Variants in MTUS1 observed in about 807,000 individuals in gnomAD.
MTUS1 encodes the protein microtubule associated scaffold protein 1.
Under a neutral mutation model 120.8 loss-of-function variants are expected in MTUS1, and 109 were observed. The observed-to-expected ratio is 0.90, with a 90% CI of 0.77 to 1.06. MTUS1 has a LOEUF of 1.06. Ranked by LOEUF, MTUS1 falls within the 50% of genes least tolerant of loss-of-function variation. MTUS1 has a pLI of 0.00. For synonymous variants in MTUS1, 737 were observed against 550.5 expected, an observed-to-expected ratio of 1.34 and a Z score of -4.74; for missense variants, 2,210 against 1,486.3, an observed-to-expected ratio of 1.49 and a Z score of -8.01.
intron 4 of MTUS1, among the ~76,000 whole-genome samples, chr8:17,721,367 T>G (rs2045829545): frequency 1.3e-5 from 2 of 152,226 alleles, no homozygotes; most frequent in South Asian, 4.1e-4. Flanking sequence ...TAGAAAAGTA[T>G]TTTTCTACAC....
chr8:17,694,508 A>C (rs910553223), intron 6 of MTUS1, among the ~76,000 whole-genome samples: 1 of 152,108 alleles, frequency 6.6e-6, no homozygotes, highest in Non-Finnish European at 1.5e-5. Context: ...TCTATTAAAA[A>C]TACAAAGAAA....
intron 13 of MTUS1, 73 bp from the exon 14 acceptor site, chr8:17,647,152 C>G (rs184419496): frequency 6.2e-6 from 7 of 1,122,638 alleles, no homozygotes; most frequent in Admixed American, 2.0e-5. Flanking sequence ...AGGCACCTCA[C>G]GACACAAGCA....
intron 1 of MTUS1, among the ~76,000 whole-genome samples, chr8:17,768,524 T>C (rs1276582109): frequency 1.8e-5 from 1 of 55,648 alleles, no homozygotes; most frequent in Non-Finnish European, 3.7e-5. Flanking sequence ...ACTCTGTTTA[T>C]GCCATGGTAA....
In MTUS1 at chr8:17,653,221, C is replaced by T. The variant is rs575282380; in HGVS notation, c.3349G>A (p.Glu1117Lys). 4 of 1,554,456 alleles carry T rather than the reference C, an allele frequency of 2.6e-6. No individual in the cohort carries two copies. Among genetic ancestry groups the T allele is most frequent in the Non-Finnish European group, 3.5e-6 (4 of 1,154,214 alleles). Residue 1117 changes from glutamate (E) to lysine (K), a missense_variant, in exon 12 of 15, where the codon GAA becomes AAA. Coordinates refer to ENST00000693296, the MANE Select transcript of MTUS1 (RefSeq NM_001363059.2). ...TTTTCTCTTGCTCTTCTTTTTTGTT[C>T]TTCTGATTTCAATTTTTCATTTAAA... ...DALNEKLKSE[E>K]QKRRAREKAN...
chr8:17,763,829 G>C (rs1445381381), intron 1 of MTUS1, among the ~76,000 whole-genome samples: 3 of 152,190 alleles, frequency 2.0e-5, no homozygotes, highest in African/African-American at 2.4e-5. Flanking sequence ...CAGAATGTGA[G>C]TGGACATCAT....
chr8:17,646,969 GTT>G lies in MTUS1; in HGVS notation c.3599+11_3599+12del. The G allele has an allele frequency of 6.2e-7, 1 of 1,606,966 alleles. No homozygotes were observed. Among genetic ancestry groups the G allele is most frequent in the Non-Finnish European group, 8.5e-7 (1 of 1,173,616 alleles). On this transcript the variant is annotated intron_variant, in intron 14 of 14. Transcript: ENST00000693296. ...CGGGGAGCTCGGGAGAAACAGCACT[GTT>G]TTATTTTTACCTTGAGATTGCCATG...
chr8:17,717,286 C>T (rs1231056497), intron 4 of MTUS1, among the ~76,000 whole-genome samples: 1 of 152,190 alleles, frequency 6.6e-6, no homozygotes, highest in South Asian at 2.1e-4. Context: ...TCCCTAGAAC[C>T]TAGAGACTTG....
intron 1 of MTUS1, among the ~76,000 whole-genome samples, chr8:17,774,947 G>C (rs1328830963): frequency 7.4e-6 from 1 of 135,842 alleles, no homozygotes; most frequent in Admixed American, 8.2e-5. Context: ...CTGCAACATG[G>C]CTGAACCCTG....
chr8:17,692,873 C>T (rs1024350875), intron 6 of MTUS1, among the ~76,000 whole-genome samples: 1 of 152,026 alleles, frequency 6.6e-6, no homozygotes, highest in African/African-American at 2.4e-5. Flanking sequence ...AATAAAATGG[C>T]AAAAGTAAAT....
At chr8:17,785,917 A>G (rs899760012) in intron 1 of MTUS1, among the ~76,000 whole-genome samples, 3 of 152,168 alleles carry the variant, frequency 2.0e-5, no homozygotes, top group African/African-American at 7.2e-5. Flanking sequence ...GGCCAAAACA[A>G]GAGAATCTAT....
intron 1 of MTUS1, among the ~76,000 whole-genome samples, chr8:17,765,823 A>G (rs1168318400): frequency 6.6e-6 from 1 of 151,990 alleles, no homozygotes; most frequent in African/African-American, 2.4e-5. Flanking sequence ...CGTAAAGTCC[A>G]TTACTACATC....
intron 1 of MTUS1, among the ~76,000 whole-genome samples, chr8:17,777,900 T>C (rs565162855): frequency 6.6e-6 from 1 of 152,324 alleles, no homozygotes; most frequent in East Asian, 1.9e-4. Context: ...AGTGATTCAA[T>C]AAAATGCAAC....
chr8:17,694,321 T>TA (rs1269881534), intron 6 of MTUS1, among the ~76,000 whole-genome samples: 1 of 152,176 alleles, frequency 6.6e-6, no homozygotes, highest in Non-Finnish European at 1.5e-5. Flanking sequence ...GATGGAGTCT[T>TA]AGAGTTTTCA....
At chr8:17,720,799 A>G (rs2045778066) in intron 4 of MTUS1, among the ~76,000 whole-genome samples, 2 of 152,180 alleles carry the variant, frequency 1.3e-5, no homozygotes, top group East Asian at 3.9e-4. Context: ...AGACCTTATA[A>G]TCTTTAACCT....
rs777091303 is a variant in MTUS1, at chr8:17,649,969, A to G, written c.3385-7T>C. 6.3e-6 allele frequency: 9 copies of G among 1,426,016 alleles called. No individual in the cohort carries two copies. In the African/African-American group the frequency reaches 8.4e-5, roughly 13 times the overall value. The allele number at this position is 1,426,016 out of a possible 1,614,324, so 88.3% of individuals were successfully genotyped here. A position where few individuals can be genotyped will look rare whatever the true frequency, so the allele number is the denominator to read the frequency against. On this transcript the variant is annotated splice_polypyrimidine_tract_variant and splice_region_variant and intron_variant, in intron 12 of 14. Transcript: ENST00000693296. Reference sequence around the variant, plus strand: ...ACATGATCTGAGGATTTTTCTGGAAAGGACACAGCAAGATACTGCTCTTAT... The same window carrying G: ...ACATGATCTGAGGATTTTTCTGGAAGGGACACAGCAAGATACTGCTCTTAT...
At chr8:17,656,910 T>G (rs1017434536) in intron 8 of MTUS1, among the ~76,000 whole-genome samples, 42 of 151,100 alleles carry the variant, frequency 2.8e-4, no homozygotes, top group Non-Finnish European at 4.6e-4. Flanking sequence ...ATACAAAAAA[T>G]TAGCCGGGTG....
At chr8:17,752,092 G>C (rs1262044239) in intron 2 of MTUS1, among the ~76,000 whole-genome samples, 5 of 152,092 alleles carry the variant, frequency 3.3e-5, no homozygotes, top group Non-Finnish European at 7.4e-5. Context: ...ACCACATCGG[G>C]AGCCTGAAAA....
chr8:17,662,349 A>ATTTTTTTTTTTTTTTTT (rs35308070), intron 8 of MTUS1, among the ~76,000 whole-genome samples: 1 of 112,714 alleles, frequency 8.9e-6, no homozygotes, highest in Non-Finnish European at 1.8e-5. Context: ...TTTTGTCCCT[A>ATTTTTTTTTTTTTTTTT]TTTTTTTTTT....
intron 6 of MTUS1, among the ~76,000 whole-genome samples, chr8:17,712,042 C>A (rs948773003): frequency 6.6e-6 from 1 of 151,860 alleles, no homozygotes; most frequent in African/African-American, 2.4e-5. Flanking sequence ...CGCAGATCAC[C>A]GTAAAAGATA....
Sources: allele counts gnomAD v4.1 joint callset (sites outside exome capture counted in the v4.1 genomes callset), GRCh38; gene constraint gnomAD v4.1.1; transcripts MANE v1.5; gene names NCBI Gene and HGNC (gene_info 2026-07-23, HGNC 2026-07-21).